The following NELFCD variants were observed in gnomAD, a reference collection of about 807,000 sequenced individuals.
NELFCD encodes negative elongation factor complex member C/D.
NELFCD carries 48 observed loss-of-function variants against 72.9 expected under a neutral mutation model. The ratio of observed to expected loss-of-function variants is 0.66; its 90% confidence interval spans 0.52 to 0.84. The LOEUF is 0.84. Among genes scored for constraint, NELFCD ranks in the 40% least tolerant of loss-of-function variants. The probability of loss-of-function intolerance (pLI) is 0.00; values close to 1 mark genes in which losing one functional copy is unlikely to be tolerated. For missense variants in NELFCD, 538 were observed against 723.8 expected, an observed-to-expected ratio of 0.74 and a Z score of 2.94; for synonymous variants, 297 against 280.6, an observed-to-expected ratio of 1.06 and a Z score of -0.59.
chr20:58,986,884 G>C lies in NELFCD; in HGVS notation c.286+21G>C. On this transcript the variant is annotated intron_variant, in intron 3 of 14. Coordinates refer to ENST00000652272, the MANE Select transcript of NELFCD (RefSeq NM_198976.4). This position sits in a 1 kb window ranked among gnomAD's most constrained non-coding sequence, Gnocchi z 4.4. Reference sequence around the variant, plus strand: ...GACAGGTGCTTTGTGGGTGTCCCCTGTCCTGGCTAGTTACCCCCACTTTTT... The same window carrying C: ...GACAGGTGCTTTGTGGGTGTCCCCTCTCCTGGCTAGTTACCCCCACTTTTT... The C allele has an allele frequency of 2.0e-6, 3 of 1,509,290 alleles. No individual in the cohort carries two copies. The African/African-American group carries it at 4.2e-5, about 21-fold the overall frequency. 93.5% of individuals were successfully genotyped at this position (1,509,290 alleles called of 1,614,324 possible).
intron 1 of NELFCD, among the ~76,000 whole-genome samples, chr20:58,983,564 T>A (rs1445929597): frequency 6.6e-6 from 1 of 151,926 alleles, no homozygotes; most frequent in Non-Finnish European, 1.5e-5. Flanking sequence ...TAGCTGGAAT[T>A]ACAGGCCGGT....
Position 58,986,323 on chromosome 20 carries a change from C to G in NELFCD, c.176+115C>G. ...AGAGTAACGCGAACTGAACTAAAGG[C>G]TTCAAGGGGGGGTCCCCTCTGCCAC... is the stretch of plus-strand genomic sequence containing the variant. On this transcript the variant is annotated intron_variant, in intron 2 of 14. Coordinates refer to ENST00000652272, the MANE Select transcript of NELFCD (RefSeq NM_198976.4). The surrounding 1 kb of genome is among the most constrained non-coding windows in gnomAD (Gnocchi z 4.4). 1.5e-6 allele frequency: 1 copy of G among 668,636 alleles called. No individual in the cohort carries two copies. 41.4% of individuals were successfully genotyped at this position (668,636 alleles called of 1,614,324 possible). A position where few individuals can be genotyped will look rare whatever the true frequency, so the allele number is the denominator to read the frequency against.
At chr20:58,987,600 C>G (rs2091781766) in intron 3 of NELFCD, 108 bp from the exon 4 acceptor site, 2 of 858,114 alleles carry the variant, frequency 2.3e-6, no homozygotes, top group East Asian at 5.0e-5. Flanking sequence ...TGGTCAGAAG[C>G]AATTCTTTGG....
In NELFCD at chr20:58,989,631, T is replaced by A; in HGVS notation, c.648T>A (p.Pro216=). Residue 216 remains proline (P), a synonymous_variant, in exon 6 of 15, where the codon CCT becomes CCA. Coordinates refer to ENST00000652272, the MANE Select transcript of NELFCD (RefSeq NM_198976.4). ...GGEENLEKNL[P]EFAKMVCHGE... is the part of the protein sequence containing the mutation. ...AAGAAAACCTTGAAAAAAATCTCCC[T>A]GAGTTTGCCGTAAGTTCTTTCTTTA... 4 of 1,614,216 alleles carry A rather than the reference T, an allele frequency of 2.5e-6. No individual in the cohort carries two copies. In the South Asian group the frequency reaches 4.4e-5, roughly 18 times the overall value.
chr20:58,981,680 C>T (rs1316631230), intron 1 of NELFCD, among the ~76,000 whole-genome samples: 5 of 151,528 alleles, frequency 3.3e-5, no homozygotes, highest in Admixed American at 6.6e-5. Flanking sequence ...CGGCCAGGCC[C>T]GGCGCCGGCC....
rs1475110961 is a variant in NELFCD, at chr20:58,994,235, T to G, written c.1707T>G (p.Phe569Leu). The G allele has an allele frequency of 1.2e-6, 2 of 1,614,096 alleles. No homozygotes were observed. The highest frequency in any genetic ancestry group is 2.7e-5 in the African/African-American group (2 of 75,058). ...TEGEHDPVTE[F>L]IAHCKSNFIM... ...GCGAGCATGACCCTGTGACGGAGTTTATAGGTGAGGCCGACTGCCTAGCCC... is the reference window on the plus strand; with the variant it reads ...GCGAGCATGACCCTGTGACGGAGTTGATAGGTGAGGCCGACTGCCTAGCCC... Residue 569 changes from phenylalanine to leucine, a missense_variant, in exon 14 of 15, where the codon TTT (phenylalanine) becomes TTG (leucine). Around this residue, in one of 3 missense-constraint regions of NELFCD, gnomAD observed 136 missense variants for 154.0 expected, o/e 0.88. Transcript: ENST00000652272.
chr20:58,992,871 T>TG lies in NELFCD; in HGVS notation c.1230-121dup, dbSNP rs921286930. 40 of 604,378 alleles carry TG rather than the reference T, an allele frequency of 6.6e-5. 1 individual carries two copies. Among genetic ancestry groups the TG allele is most frequent in the Middle Eastern group, 4.3e-4 (1 of 2,348 alleles). 37.4% of individuals were successfully genotyped at this position (604,378 alleles called of 1,614,324 possible). On this transcript the variant is annotated intron_variant, in intron 10 of 14. Coordinates refer to ENST00000652272, the MANE Select transcript of NELFCD (RefSeq NM_198976.4). Reference sequence around the variant, plus strand: ...CTCAAAAAAAAAAAAAAAAAAGGGTTGGGGGGCGTATTGAAGGGTGAATGA... The same window carrying TG: ...CTCAAAAAAAAAAAAAAAAAAGGGTTGGGGGGGCGTATTGAAGGGTGAATGA...
At chr20:58,982,192 T>G (rs2091739972) in intron 1 of NELFCD, among the ~76,000 whole-genome samples, 1 of 144,210 alleles carries the variant, frequency 6.9e-6, no homozygotes, top group Admixed American at 7.2e-5. Context: ...GTTTCGCTCT[T>G]GTTGCCCAGG....
chr20:58,987,584 T>G lies in NELFCD; in HGVS notation c.287-124T>G, dbSNP rs899932115. 63 of 735,990 alleles carry G rather than the reference T, an allele frequency of 8.6e-5. No individual in the cohort carries two copies. The East Asian group carries it at 1.4e-3, about 17-fold the overall frequency. 45.6% of individuals were successfully genotyped at this position (735,990 alleles called of 1,614,324 possible). On this transcript the variant is annotated intron_variant, in intron 3 of 14. Coordinates refer to ENST00000652272, the MANE Select transcript of NELFCD (RefSeq NM_198976.4). ...TTGAAGAGTTCCAAAACCTTACATGTATAAGTGGTCAGAAGCAATTCTTTG... is the reference window on the plus strand; with the variant it reads ...TTGAAGAGTTCCAAAACCTTACATGGATAAGTGGTCAGAAGCAATTCTTTG...
At chr20:58,989,267 G>C in intron 5 of NELFCD, 1 of 631,940 alleles carries the variant, frequency 1.6e-6, no homozygotes, top group South Asian at 2.0e-5. Flanking sequence ...GGAGCTTTAG[G>C]CGTGCCTGCT....
At chr20:58,987,274 C>T (rs937833674) in intron 3 of NELFCD, 21 of 245,340 alleles carry the variant, frequency 8.6e-5, no homozygotes, top group South Asian at 6.8e-4. Context: ...TGTAAATCCA[C>T]GGAGCCGGGT....
Position 58,991,356 on chromosome 20 carries a change from T to C in NELFCD, c.999T>C (p.Phe333=), listed in dbSNP as rs2146354485. ...AFLDLFMQSL[F]KPGARINQDH... Reference sequence around the variant, plus strand: ...TGGACCTGTTCATGCAGTCACTCTTTAAACCAGGGGCTCGGATCAACCAGG... The same window carrying C: ...TGGACCTGTTCATGCAGTCACTCTTCAAACCAGGGGCTCGGATCAACCAGG... The change falls in exon 9 of 15, where the codon TTT becomes TTC. Residue 333 remains phenylalanine (F), a synonymous_variant. Transcript: ENST00000652272. 6.2e-7 allele frequency: 1 copy of C among 1,614,230 alleles called. No individual in the cohort carries two copies.
chr20:58,994,836 A>G lies in NELFCD; in HGVS notation c.*160A>G, dbSNP rs2091847867. On this transcript the variant is annotated 3_prime_UTR_variant, in exon 15 of 15. Transcript: ENST00000652272. ...TACAAAGGAAAATGGTAGCAGCTTC[A>G]GTGAGAAACTGCCCTTACAAACAGT... 2 of 642,266 alleles carry G rather than the reference A, an allele frequency of 3.1e-6. No individual in the cohort carries two copies. Among genetic ancestry groups the G allele is most frequent in the Non-Finnish European group, 5.7e-6 (2 of 353,942 alleles). 39.8% of individuals were successfully genotyped at this position (642,266 alleles called of 1,614,324 possible). A position where few individuals can be genotyped will look rare whatever the true frequency, so the allele number is the denominator to read the frequency against.
chr20:58,981,356 C>A lies in NELFCD; in HGVS notation c.47C>A (p.Ala16Asp), dbSNP rs775073640. 9.0e-7 allele frequency: 1 copy of A among 1,110,530 alleles called. No individual in the cohort carries two copies. 68.8% of individuals were successfully genotyped at this position (1,110,530 alleles called of 1,614,324 possible). ...AGCGCGGCCGAGTGGGGCGACGAGGCTGACGGCGGCCAGGTGAGGCGGGGC... is the reference window on the plus strand; with the variant it reads ...AGCGCGGCCGAGTGGGGCGACGAGGATGACGGCGGCCAGGTGAGGCGGGGC... ...YGSAAEWGDE[A>D]DGGQQEDDSG... is the part of the protein sequence containing the mutation. Residue 16 changes from alanine (A) to aspartate (D), a missense_variant, in exon 1 of 15, where the codon GCT (alanine) becomes GAT (aspartate). By Grantham distance (126) the Ala-to-Asp change is moderately radical. Around this residue, in one of 3 missense-constraint regions of NELFCD, gnomAD observed 47 missense variants for 35.3 expected, o/e 1.33. Transcript: ENST00000652272.
chr20:58,986,101 T>G lies in NELFCD; in HGVS notation c.69T>G (p.Asp23Glu). ...GDEADGGQQE[D>E]DSGEGEDDAE... ...TTCGCATTTACCAACAGCAGGAGGA[T>G]GATTCTGGAGAAGGAGAGGATGATG... is the stretch of plus-strand genomic sequence containing the variant. The change falls in exon 2 of 15, where the codon GAT becomes GAG. Residue 23 changes from aspartate (D) to glutamate (E), a missense_variant. Around this residue, in one of 3 missense-constraint regions of NELFCD, gnomAD observed 47 missense variants for 35.3 expected, o/e 1.33. Transcript: ENST00000652272. The surrounding 1 kb of genome is among the most constrained non-coding windows in gnomAD (Gnocchi z 4.4). The G allele has an allele frequency of 1.9e-6, 3 of 1,612,034 alleles. No individual in the cohort carries two copies. Among genetic ancestry groups the G allele is most frequent in the Non-Finnish European group, 2.5e-6 (3 of 1,178,062 alleles).
intron 13 of NELFCD, 51 bp from the exon 14 acceptor site, chr20:58,994,059 G>A (rs2091838457): frequency 6.3e-7 from 1 of 1,594,134 alleles, no homozygotes; most frequent in Non-Finnish European, 8.6e-7. Flanking sequence ...GATGTCGGTG[G>A]ATGCCCCGCA....
Position 58,989,480 on chromosome 20 carries a change from T to C in NELFCD, c.505-8T>C. On this transcript the variant is annotated splice_polypyrimidine_tract_variant and splice_region_variant and intron_variant, in intron 5 of 14. Transcript: ENST00000652272. Reference sequence around the variant, plus strand: ...GCCTCCCCTCTGACTTCTTGTTTTGTGTCCTAGCTTATTTCTGACGCAGGG... The same window carrying C: ...GCCTCCCCTCTGACTTCTTGTTTTGCGTCCTAGCTTATTTCTGACGCAGGG... 1 of 1,612,456 alleles carries C rather than the reference T, an allele frequency of 6.2e-7. No individual in the cohort carries two copies. The highest frequency in any genetic ancestry group is 8.5e-7 in the Non-Finnish European group (1 of 1,178,542).
intron 1 of NELFCD, among the ~76,000 whole-genome samples, chr20:58,981,845 T>G (rs1300036977): frequency 4.6e-5 from 7 of 152,158 alleles, no homozygotes; most frequent in African/African-American, 1.7e-4. Flanking sequence ...GCTTTACTGT[T>G]TTATAAACTG....
At chr20:58,990,055 C>T (rs1031131294) in intron 7 of NELFCD, 67 bp downstream of exon 7, 40 of 1,575,212 alleles carry the variant, frequency 2.5e-5, no homozygotes, top group African/African-American at 2.7e-5. Context: ...TCCCATGGCC[C>T]GTGTTCCACA....
Sources: gnomAD v4.1 joint callset for allele counts (sites outside exome capture counted in the v4.1 genomes callset) on GRCh38, gnomAD v4.1.1 for gene constraint, gnomAD v4.1.1 regional missense constraint, Gnocchi (gnomAD v3.1) non-coding constraint, MANE v1.5 for transcripts, NCBI Gene and HGNC (gene_info 2026-07-23, HGNC 2026-07-21) for gene names.